GCNT1: variants seen among roughly 807,000 people sequenced by gnomAD.
GCNT1 encodes beta-1,3-galactosyl-O-glycosyl-glycoprotein beta-1,6-N-acetylglucosaminyltransferase.
In GCNT1, 16 loss-of-function variants were observed where a neutral mutation model predicts 26.2. The observed-to-expected ratio is 0.61, with a 90% CI of 0.41 to 0.93. The LOEUF (loss-of-function observed/expected upper bound fraction) is 0.93, where lower values mean the gene tolerates loss of function less well. Ranked by LOEUF, GCNT1 falls within the 40% of genes least tolerant of loss-of-function variation. The pLI is 0.00. For missense variants in GCNT1, 477 were observed against 526.7 expected (o/e 0.91, Z 0.92); for synonymous variants, 183 against 190.8 (o/e 0.96, Z 0.34).
At chr9:76,431,525 C>A (rs767422642) in intron 1 of GCNT1, among the ~76,000 whole-genome samples, 8 of 152,142 alleles carry the variant, frequency 5.3e-5, no homozygotes, top group Admixed American at 2.6e-4. Flanking sequence ...GAAACATCAC[C>A]CTCCTAGCAC....
intron 3 of GCNT1, 139 bp downstream of exon 3, chr9:76,501,200 A>G (rs1259050218): frequency 6.6e-6 from 1 of 152,218 alleles, no homozygotes; most frequent in African/African-American, 2.4e-5. Context: ...CTCGTGTCAA[A>G]TCTCTAGAAA....
At chr9:76,409,643 A>G in the GCNT1 span, among the ~76,000 whole-genome samples, 1 of 151,970 alleles carries the variant, frequency 6.6e-6, no homozygotes, top group Non-Finnish European at 1.5e-5. Context: ...ACGGAGTTTC[A>G]CCACGTTGCC....
At chr9:76,471,192 A>G (rs13284427) in intron 2 of GCNT1, among the ~76,000 whole-genome samples, 4,669 of 152,144 alleles carry the variant, frequency 0.031, 89 homozygotes, top group Non-Finnish European at 0.048. Context: ...TGGCTGGCTG[A>G]TTTTTGTATT....
intron 2 of GCNT1, among the ~76,000 whole-genome samples, chr9:76,481,700 A>G (rs1218975761): frequency 6.6e-6 from 1 of 152,210 alleles, no homozygotes; most frequent in Non-Finnish European, 1.5e-5. Context: ...AAGCGTGTCA[A>G]GAACTACGAA....
At chr9:76,466,132 C>A (rs1476291498) in intron 2 of GCNT1, among the ~76,000 whole-genome samples, 1 of 152,062 alleles carries the variant, frequency 6.6e-6, no homozygotes, top group East Asian at 1.9e-4. Flanking sequence ...AAGAAAAGGG[C>A]TGGACCCGTA....
intron 2 of GCNT1, among the ~76,000 whole-genome samples, chr9:76,494,048 C>T (rs2131634258): frequency 6.6e-6 from 1 of 152,074 alleles, no homozygotes; most frequent in Middle Eastern, 3.4e-3. Flanking sequence ...AAGAAAAAAC[C>T]ACCCGCGGTT....
intron 2 of GCNT1, among the ~76,000 whole-genome samples, chr9:76,486,987 TGGCCAG>T (rs1189352628): frequency 6.6e-6 from 1 of 152,192 alleles, no homozygotes; most frequent in Non-Finnish European, 1.5e-5. Context: ...CGGTTCCTCA[TGGCCAG>T]CCACAGTTAG....
chr9:76,402,286 T>C, the GCNT1 span, among the ~76,000 whole-genome samples: 1 of 152,214 alleles, frequency 6.6e-6, no homozygotes, highest in African/African-American at 2.4e-5. Flanking sequence ...TTCAACACTC[T>C]CAACTACATC....
upstream of GCNT1, among the ~76,000 whole-genome samples, chr9:76,439,370 G>A (rs1283608600): frequency 1.3e-5 from 2 of 151,778 alleles, no homozygotes; most frequent in Non-Finnish European, 2.9e-5. Context: ...GATTACAGGT[G>A]CGTGGCACCA....
At chr9:76,437,951 A>AAAGTGGT (rs2131579847), upstream of GCNT1, among the ~76,000 whole-genome samples, 1 of 152,356 alleles carries the variant, frequency 6.6e-6, no homozygotes, top group Non-Finnish European at 1.5e-5. Flanking sequence ...TTTTCCTTGG[A>AAAGTGGT]AAGTGGTACT....
the GCNT1 span, among the ~76,000 whole-genome samples, chr9:76,405,463 A>G: frequency 6.6e-6 from 1 of 152,240 alleles, no homozygotes; most frequent in African/African-American, 2.4e-5. Context: ...GTTTACACAA[A>G]GGAATACCGA....
intron 2 of GCNT1, among the ~76,000 whole-genome samples, chr9:76,483,503 C>T (rs1442849203): frequency 6.6e-6 from 1 of 152,100 alleles, no homozygotes; most frequent in Non-Finnish European, 1.5e-5. Context: ...CAGCCTCGAA[C>T]TCCTGGGCTC....
chr9:76,485,890 A>G (rs541835331), intron 2 of GCNT1, among the ~76,000 whole-genome samples: 1 of 152,174 alleles, frequency 6.6e-6, no homozygotes, highest in South Asian at 2.1e-4. Flanking sequence ...GCGCCACCAC[A>G]TCTGGTTAAT....
chr9:76,439,568 T>A (rs903412931), upstream of GCNT1, among the ~76,000 whole-genome samples: 11 of 136,118 alleles, frequency 8.1e-5, no homozygotes, highest in South Asian at 7.0e-4. Flanking sequence ...GAAAAAAAAA[T>A]TTTGTCTGCA....
At chr9:76,401,701 G>C in the GCNT1 span, among the ~76,000 whole-genome samples, 1 of 152,114 alleles carries the variant, frequency 6.6e-6, no homozygotes, top group Non-Finnish European at 1.5e-5. Flanking sequence ...TTCTCAAAGA[G>C]GTGACTCAGA....
At chr9:76,448,889 T>C (rs1823618664) in intron 1 of GCNT1, among the ~76,000 whole-genome samples, 1 of 152,254 alleles carries the variant, frequency 6.6e-6, no homozygotes, top group African/African-American at 2.4e-5. Flanking sequence ...TTGTTTTTGC[T>C]GGTAAACACC....
chr9:76,490,311 G>GTTAC (rs1219443303), intron 2 of GCNT1, among the ~76,000 whole-genome samples: 1 of 152,216 alleles, frequency 6.6e-6, no homozygotes, highest in Non-Finnish European at 1.5e-5. Flanking sequence ...TGGGATTGTA[G>GTTAC]TTACTATCCT....
At chr9:76,476,785 T>C (rs886981528) in intron 2 of GCNT1, among the ~76,000 whole-genome samples, 1 of 152,216 alleles carries the variant, frequency 6.6e-6, no homozygotes, top group African/African-American at 2.4e-5. Flanking sequence ...CCTTTGTTCT[T>C]TTATCTCTAA....
chr9:76,398,688 A>G, the GCNT1 span: 3 of 1,193,314 alleles, frequency 2.5e-6, no homozygotes, highest in Non-Finnish European at 3.6e-6. Context: ...ACTTAAAGGG[A>G]AACTTTCACA....
Sources: gnomAD v4.1 joint callset for allele counts (sites outside exome capture counted in the v4.1 genomes callset) on GRCh38, gnomAD v4.1.1 for gene constraint, MANE v1.5 for transcripts, NCBI Gene and HGNC (gene_info 2026-07-23, HGNC 2026-07-21) for gene names.